NALF1: variants seen among roughly 807,000 people sequenced by gnomAD.
The protein encoded by NALF1 is NALCN channel auxiliary factor 1, also known as family with sequence similarity 155 member A.
In NALF1, 3 loss-of-function variants were observed where a neutral mutation model predicts 48.4. The observed-to-expected ratio is 0.06, with a 90% CI of 0.03 to 0.16. The LOEUF (loss-of-function observed/expected upper bound fraction) is 0.16, where lower values mean the gene tolerates loss of function less well. NALF1 is among the 10% of genes least tolerant of loss of function. The pLI, the probability that NALF1 is intolerant of heterozygous loss-of-function variation, is 1.00. For synonymous variants in NALF1, 262 were observed against 245.7 expected, an observed-to-expected ratio of 1.07 and a Z score of -0.62; for missense variants, 526 against 571.5, an observed-to-expected ratio of 0.92 and a Z score of 0.81.
At chr13:107,676,078 C>T (rs1464618086) in intron 1 of NALF1, among the ~76,000 whole-genome samples, 3 of 152,148 alleles carry the variant, frequency 2.0e-5, no homozygotes, top group African/African-American at 7.2e-5. Context: ...GAACTTTCAC[C>T]TGCTAAAACA....
chr13:107,672,009 A>G (rs1165915427), intron 1 of NALF1, among the ~76,000 whole-genome samples: 5 of 150,846 alleles, frequency 3.3e-5, no homozygotes, highest in Non-Finnish European at 7.4e-5. Flanking sequence ...GAAAAAAAAA[A>G]TCTACCTCAT....
intron 1 of NALF1, among the ~76,000 whole-genome samples, chr13:107,249,763 T>C (rs1171488123): frequency 1.3e-5 from 2 of 152,198 alleles, no homozygotes; most frequent in African/African-American, 4.8e-5. Flanking sequence ...TTTTAGGTGT[T>C]GTTGAAACAT....
chr13:107,686,123 G>A (rs2138500310), intron 1 of NALF1, among the ~76,000 whole-genome samples: 1 of 152,292 alleles, frequency 6.6e-6, no homozygotes, highest in African/African-American at 2.4e-5. Flanking sequence ...GGTTGAATGA[G>A]GACCACAGGA....
chr13:107,233,747 G>T (rs1360867960), intron 1 of NALF1, among the ~76,000 whole-genome samples: 1 of 152,208 alleles, frequency 6.6e-6, no homozygotes, highest in Non-Finnish European at 1.5e-5. Context: ...TAGCTAAACT[G>T]AATTCAGTGC....
At chr13:107,669,110 T>C (rs1191375791) in intron 1 of NALF1, among the ~76,000 whole-genome samples, 1 of 152,038 alleles carries the variant, frequency 6.6e-6, no homozygotes, top group Admixed American at 6.6e-5. Context: ...TAATCAACAT[T>C]TTGCTGATAA....
At chr13:107,489,461 A>G (rs902840870) in intron 1 of NALF1, among the ~76,000 whole-genome samples, 2 of 152,150 alleles carry the variant, frequency 1.3e-5, no homozygotes, top group Admixed American at 6.5e-5. Flanking sequence ...CAGAGAACCC[A>G]GAAATAAGAC....
intron 1 of NALF1, among the ~76,000 whole-genome samples, chr13:107,329,818 T>C (rs995942831): frequency 2.6e-5 from 4 of 152,144 alleles, no homozygotes; most frequent in Non-Finnish European, 5.9e-5. Context: ...TCCATGTCCC[T>C]ACAAAAGACA....
intron 2 of NALF1, among the ~76,000 whole-genome samples, chr13:107,205,513 C>A (rs959031764): frequency 2.0e-5 from 3 of 152,106 alleles, no homozygotes; most frequent in African/African-American, 7.2e-5. Context: ...GCGCCCATCT[C>A]CCATTGCAGC....
At chr13:107,446,041 C>T (rs558537593) in intron 1 of NALF1, among the ~76,000 whole-genome samples, 11 of 152,148 alleles carry the variant, frequency 7.2e-5, no homozygotes, top group East Asian at 5.8e-4. Context: ...CGGGTTCAAG[C>T]GATTCTCCTG....
chr13:107,723,739 G>A (rs1204435715), intron 1 of NALF1, among the ~76,000 whole-genome samples: 1 of 152,168 alleles, frequency 6.6e-6, no homozygotes, highest in Non-Finnish European at 1.5e-5. Flanking sequence ...GGAGAAGGAA[G>A]AAAATAAAAG....
At chr13:107,848,981 A>G (rs1004966492) in intron 1 of NALF1, among the ~76,000 whole-genome samples, 2 of 152,202 alleles carry the variant, frequency 1.3e-5, no homozygotes, top group Non-Finnish European at 2.9e-5. Context: ...TCATCAAAAT[A>G]TTATGGAACA....
In NALF1 at chr13:107,167,303, C is replaced by T. The variant is rs570550917; in HGVS notation, c.*3194G>A. ...TGATTACAAAGGAGCAGGGGCTGAA[C>T]TTATTTGTTCAAAATGAACATATGC... On this transcript the variant is annotated 3_prime_UTR_variant, in exon 3 of 3. Transcript: ENST00000375915. 3.0e-4 allele frequency: 46 copies of T among 152,308 alleles called. 1 individual carries two copies. The highest frequency in any genetic ancestry group is 2.8e-3 in the Admixed American group (43 of 15,300). 9.4% of individuals were successfully genotyped at this position (152,308 alleles called of 1,614,324 possible).
At chr13:107,827,315 T>C (rs1329236455) in intron 1 of NALF1, among the ~76,000 whole-genome samples, 1 of 152,244 alleles carries the variant, frequency 6.6e-6, no homozygotes, top group Non-Finnish European at 1.5e-5. Context: ...CGTGTTTCTT[T>C]TCTCTTTTTC....
intron 1 of NALF1, among the ~76,000 whole-genome samples, chr13:107,803,251 G>A (rs1267569541): frequency 2.6e-5 from 4 of 151,956 alleles, no homozygotes; most frequent in African/African-American, 7.3e-5. Context: ...GATCCAATAG[G>A]TAAACAATAT....
chr13:107,661,872 T>C (rs973804369), intron 1 of NALF1, among the ~76,000 whole-genome samples: 5 of 152,176 alleles, frequency 3.3e-5, no homozygotes, highest in Non-Finnish European at 5.9e-5. Context: ...AGAAAAAAGA[T>C]GATAAATAAT....
intron 1 of NALF1, among the ~76,000 whole-genome samples, chr13:107,754,888 T>A (rs1257879948): frequency 1.3e-5 from 2 of 152,222 alleles, no homozygotes; most frequent in Non-Finnish European, 2.9e-5. Flanking sequence ...ATGGGGTAAG[T>A]ACAGTTTTAC....
chr13:107,170,461 G>T lies in NALF1; in HGVS notation c.*36C>A. ...GACAGCAGTTGCCATTTTTCACGGC[G>T]GGCCAGCTGCTGCTGTGGTGACACT... On this transcript the variant is annotated 3_prime_UTR_variant, in exon 3 of 3. Transcript: ENST00000375915. 6.5e-7 allele frequency: 1 copy of T among 1,549,244 alleles called. No individual in the cohort carries two copies. The highest frequency in any genetic ancestry group is 1.2e-5 in the South Asian group (1 of 83,726).
chr13:107,761,881 T>C (rs1877273742), intron 1 of NALF1, among the ~76,000 whole-genome samples: 1 of 152,214 alleles, frequency 6.6e-6, no homozygotes, highest in Non-Finnish European at 1.5e-5. Context: ...TCATAGTACC[T>C]ACTGCAAAGA....
chr13:107,671,658 T>C (rs1483659177), intron 1 of NALF1, among the ~76,000 whole-genome samples: 1 of 152,016 alleles, frequency 6.6e-6, no homozygotes, highest in Middle Eastern at 3.2e-3. Context: ...TTGCCACATA[T>C]AGGTGAACAA....
Sources: gnomAD v4.1 joint callset for allele counts (sites outside exome capture counted in the v4.1 genomes callset) on GRCh38, gnomAD v4.1.1 for gene constraint, MANE v1.5 for transcripts, NCBI Gene and HGNC (gene_info 2026-07-23, HGNC 2026-07-21) for gene names.